Variants in PKHD1L1 observed in about 807,000 individuals in gnomAD.
The protein encoded by PKHD1L1 is fibrocystin-L.
In PKHD1L1, 434 loss-of-function variants were observed where a neutral mutation model predicts 462.9. That is an observed-to-expected ratio of 0.94 (90% CI 0.87 to 1.02). The LOEUF is 1.02. Ranked by LOEUF, PKHD1L1 falls within the 50% of genes least tolerant of loss-of-function variation. PKHD1L1 has a pLI of 0.00. For synonymous variants in PKHD1L1, 1,781 were observed against 1,750.0 expected, an observed-to-expected ratio of 1.02 and a Z score of -0.44; for missense variants, 5,202 against 5,096.1, an observed-to-expected ratio of 1.02 and a Z score of -0.63.
Position 109,436,874 on chromosome 8 carries a change from G to T in PKHD1L1, c.3627+415G>T, listed in dbSNP as rs184270029. Among the ~76,000 whole-genome samples the T allele has an allele frequency of 2.6e-5, 4 of 152,292 alleles. No individual in the cohort carries two copies. The East Asian group carries it at 7.7e-4, about 29-fold the overall frequency. On this transcript the variant is annotated intron_variant, in intron 30 of 77. Transcript: ENST00000378402. ...GGATGAAAAAAATGAGTAGTCTAAA[G>T]ATTTCAGGAAAGTAAATCTAGAAAA...
chr8:109,409,499 T>C (rs1286769860), intron 18 of PKHD1L1, among the ~76,000 whole-genome samples: 4 of 152,286 alleles, frequency 2.6e-5, no homozygotes, highest in Admixed American at 1.3e-4. Context: ...CCAGTTAATT[T>C]TGAGTTATTT....
chr8:109,455,755 C>T (rs143603509), intron 45 of PKHD1L1, among the ~76,000 whole-genome samples: 1 of 152,146 alleles, frequency 6.6e-6, no homozygotes, highest in African/African-American at 2.4e-5. Context: ...TTTATATTGA[C>T]GTCTTCCACA....
At chr8:109,449,899 C>T (rs1459507629) in intron 40 of PKHD1L1, among the ~76,000 whole-genome samples, 1 of 152,168 alleles carries the variant, frequency 6.6e-6, no homozygotes, top group African/African-American at 2.4e-5. Flanking sequence ...TTTAACCTCT[C>T]TATGCCTCAG....
chr8:109,450,823 G>C (rs1816446151), intron 40 of PKHD1L1, among the ~76,000 whole-genome samples, 152 bp from the exon 41 acceptor site: 1 of 152,170 alleles, frequency 6.6e-6, no homozygotes, highest in Non-Finnish European at 1.5e-5. Flanking sequence ...GCTATTGCTA[G>C]AGGGCCACTA....
chr8:109,391,169 C>T (rs1812693506), intron 9 of PKHD1L1, among the ~76,000 whole-genome samples: 1 of 152,128 alleles, frequency 6.6e-6, no homozygotes, highest in Non-Finnish European at 1.5e-5. Context: ...TTAATCCTCC[C>T]AAAGAAGCTC....
chr8:109,514,321 G>A (rs1820155029), intron 71 of PKHD1L1, among the ~76,000 whole-genome samples: 1 of 151,998 alleles, frequency 6.6e-6, no homozygotes, highest in Non-Finnish European at 1.5e-5. Flanking sequence ...TTTCTCCACA[G>A]GATTCATCAC....
intron 22 of PKHD1L1, 39 bp from the exon 23 acceptor site, chr8:109,420,479 C>G: frequency 7.3e-7 from 1 of 1,375,086 alleles, no homozygotes; most frequent in Non-Finnish European, 9.6e-7. Flanking sequence ...ACCACAGTTA[C>G]TTTTACACCA....
intron 2 of PKHD1L1, among the ~76,000 whole-genome samples, chr8:109,365,997 A>T (rs1374803144): frequency 2.0e-5 from 3 of 152,054 alleles, no homozygotes; most frequent in Non-Finnish European, 2.9e-5. Flanking sequence ...AAAAAAGAAA[A>T]CACCCAGCCA....
At chr8:109,410,373 G>T (rs1813774525) in intron 19 of PKHD1L1, among the ~76,000 whole-genome samples, 1 of 152,134 alleles carries the variant, frequency 6.6e-6, no homozygotes, top group Admixed American at 6.5e-5. Context: ...GAAGCATGAT[G>T]CTGGCATCTG....
chr8:109,514,103 G>T (rs1377319933), intron 71 of PKHD1L1, among the ~76,000 whole-genome samples: 7 of 151,910 alleles, frequency 4.6e-5, no homozygotes, highest in Non-Finnish European at 1.0e-4. Flanking sequence ...TACTCCTCCA[G>T]CCCCACTGAG....
In PKHD1L1 at chr8:109,535,008, C is replaced by A. The variant is rs1404865838; in HGVS notation, c.*4918C>A. Among the ~76,000 whole-genome samples the A allele has an allele frequency of 6.6e-6, 1 of 152,000 alleles. No individual in the cohort carries two copies. The highest frequency in any genetic ancestry group is 1.5e-5 in the Non-Finnish European group (1 of 68,002). On this transcript the variant is annotated 3_prime_UTR_variant, in exon 78 of 78. Transcript: ENST00000378402. ...AGTGTTAAATAAACTTTCTGATAAACCAATGATTGGGTAGCATGATGAAAC... is the reference window on the plus strand; with the variant it reads ...AGTGTTAAATAAACTTTCTGATAAAACAATGATTGGGTAGCATGATGAAAC...
At chr8:109,426,302 ACT>A (rs1392505967) in intron 24 of PKHD1L1, among the ~76,000 whole-genome samples, 1 of 152,052 alleles carries the variant, frequency 6.6e-6, no homozygotes, top group Non-Finnish European at 1.5e-5. Flanking sequence ...TCATTTTAAC[ACT>A]CAATATATTC....
chr8:109,449,386 A>G lies in PKHD1L1; in HGVS notation c.6074A>G (p.Asn2025Ser). 6.3e-7 allele frequency: 1 copy of G among 1,586,548 alleles called. No homozygotes were observed. Among genetic ancestry groups the G allele is most frequent in the Non-Finnish European group, 8.6e-7 (1 of 1,164,926 alleles). Residue 2025 changes from asparagine (N) to serine (S), a missense_variant, in exon 40 of 78, where the codon AAT becomes AGT. Physicochemically the swap from Asn to Ser is conservative, Grantham distance 46. Transcript: ENST00000378402. ...ATGACTGTGACAGGCACCGGATTTAATCCACAAAATTCAATTATATTAGTT... is the reference window on the plus strand; with the variant it reads ...ATGACTGTGACAGGCACCGGATTTAGTCCACAAAATTCAATTATATTAGTT... ...QTMTVTGTGF[N>S]PQNSIILVCG... is the part of the protein sequence containing the mutation.
intron 21 of PKHD1L1, among the ~76,000 whole-genome samples, chr8:109,415,662 G>C (rs1032151511): frequency 2.0e-5 from 3 of 151,756 alleles, no homozygotes; most frequent in Admixed American, 2.0e-4. Flanking sequence ...GGAGGGGGCT[G>C]GGCAACATGG....
At chr8:109,473,867 G>T (rs547766406) in intron 50 of PKHD1L1, among the ~76,000 whole-genome samples, 1 of 152,224 alleles carries the variant, frequency 6.6e-6, no homozygotes, top group South Asian at 2.1e-4. Context: ...CCTGGAGGAG[G>T]CTCTTCTCTT....
chr8:109,462,699 A>G (rs1817207953), intron 48 of PKHD1L1, among the ~76,000 whole-genome samples: 1 of 151,898 alleles, frequency 6.6e-6, no homozygotes, highest in Non-Finnish European at 1.5e-5. Context: ...ATGCCACCAC[A>G]CCCAGCTAAT....
intron 27 of PKHD1L1, among the ~76,000 whole-genome samples, 190 bp from the exon 28 acceptor site, chr8:109,432,916 T>C (rs1295468999): frequency 6.6e-6 from 1 of 152,214 alleles, no homozygotes; most frequent in Non-Finnish European, 1.5e-5. Context: ...TATAGAGTAA[T>C]TCAATGGAAA....
chr8:109,435,424 T>C (rs1469806081), intron 29 of PKHD1L1, 70 bp downstream of exon 29: 11 of 1,507,542 alleles, frequency 7.3e-6, no homozygotes, highest in African/African-American at 1.4e-5. Context: ...CTGTTTCTAG[T>C]ACAGGGTGAA....
chr8:109,455,991 TG>T (rs1816802183), intron 45 of PKHD1L1, among the ~76,000 whole-genome samples: 1 of 152,176 alleles, frequency 6.6e-6, no homozygotes, highest in African/African-American at 2.4e-5. Flanking sequence ...ATTGTGTCCC[TG>T]TAAAAAAAGA....
Sources: gnomAD v4.1 joint callset for allele counts (sites outside exome capture counted in the v4.1 genomes callset) on GRCh38, gnomAD v4.1.1 for gene constraint, MANE v1.5 for transcripts, NCBI Gene and HGNC (gene_info 2026-07-23, HGNC 2026-07-21) for gene names.